The following LIMCH1 variants were observed in gnomAD, a reference collection of about 807,000 sequenced individuals.
LIMCH1 encodes the protein LIM and calponin homology domains 1, also known as LIM and calponin homology domains-containing protein 1.
Under a neutral mutation model 176.5 loss-of-function variants are expected in LIMCH1, and 113 were observed. That is an observed-to-expected ratio of 0.64 (90% CI 0.55 to 0.75). LIMCH1 has a LOEUF of 0.75. LIMCH1 is among the 30% of genes least tolerant of loss of function. The probability of loss-of-function intolerance (pLI) is 0.00; values close to 1 mark genes in which losing one functional copy is unlikely to be tolerated. For missense variants in LIMCH1, 1,674 were observed against 1,814.9 expected, an observed-to-expected ratio of 0.92 and a Z score of 1.41; for synonymous variants, 619 against 645.9, an observed-to-expected ratio of 0.96 and a Z score of 0.63.
chr4:41,515,462 T>C (rs1349846683), intron 2 of LIMCH1, among the ~76,000 whole-genome samples: 1 of 152,208 alleles, frequency 6.6e-6, no homozygotes, highest in Non-Finnish European at 1.5e-5. Context: ...GAGCCAGTGA[T>C]CAACACAGCC....
chr4:41,489,465 T>C (rs1482410856), intron 1 of LIMCH1, among the ~76,000 whole-genome samples: 1 of 152,150 alleles, frequency 6.6e-6, no homozygotes, highest in African/African-American at 2.4e-5. Flanking sequence ...TTAGTGTCTT[T>C]CCATACATTT....
intron 1 of LIMCH1, among the ~76,000 whole-genome samples, chr4:41,443,481 C>T (rs2062935734): frequency 6.6e-6 from 1 of 152,162 alleles, no homozygotes; most frequent in African/African-American, 2.4e-5. Context: ...ATGGACTTTG[C>T]TCTTATTGCA....
intron 1 of LIMCH1, among the ~76,000 whole-genome samples, chr4:41,419,117 C>T (rs547308316): frequency 7.0e-6 from 1 of 142,018 alleles, no homozygotes; most frequent in South Asian, 2.4e-4. Flanking sequence ...TAAGTCACTA[C>T]GTTTTGTTTT....
Position 41,604,912 on chromosome 4 carries a change from A to G in LIMCH1, c.-102-982A>G, listed in dbSNP as rs117729898. 9.9e-4 allele frequency among the ~76,000 whole-genome samples: 151 copies of G among 152,156 alleles called. No homozygotes were observed. In the East Asian group the frequency reaches 0.027, roughly 27 times the overall value. On this transcript the variant is annotated intron_variant, in intron 3 of 31. Coordinates refer to ENST00000503057, the MANE Select transcript of LIMCH1 (RefSeq NM_001330672.2). ...GTCTGTCGCCAGCTGGACTCATGTA[A>G]CTATACCATGTTGTCCGAAACATTT...
At chr4:41,470,834 C>T (rs1308707865) in intron 1 of LIMCH1, among the ~76,000 whole-genome samples, 1 of 151,944 alleles carries the variant, frequency 6.6e-6, no homozygotes, top group African/African-American at 2.4e-5. Flanking sequence ...CCGCATATTT[C>T]GTTCTCTCTC....
chr4:41,541,618 A>G (rs1024668103), intron 1 of LIMCH1, among the ~76,000 whole-genome samples: 2 of 152,210 alleles, frequency 1.3e-5, no homozygotes, highest in South Asian at 2.1e-4. Context: ...TAAATCACCA[A>G]TGTGAATTAT....
upstream of LIMCH1, among the ~76,000 whole-genome samples, chr4:41,537,312 A>G (rs2078058422): frequency 6.6e-6 from 1 of 152,230 alleles, no homozygotes; most frequent in African/African-American, 2.4e-5. Flanking sequence ...TTCTGCTCAC[A>G]TATTTCAGCA....
intron 1 of LIMCH1, among the ~76,000 whole-genome samples, chr4:41,390,000 AT>A (rs2057017512): frequency 6.6e-6 from 1 of 152,112 alleles, no homozygotes; most frequent in Admixed American, 6.5e-5. Context: ...GCTTCTCTGC[AT>A]TCACCTTAAG....
upstream of LIMCH1, chr4:41,360,661 A>C: frequency 3.1e-6 from 1 of 318,980 alleles, no homozygotes; most frequent in Non-Finnish European, 5.6e-6. The surrounding 1 kb of genome is among the most constrained non-coding windows in gnomAD (Gnocchi z 4.5). Context: ...CGGCGCCGGG[A>C]ACAGCTGCCG....
At chr4:41,562,628 A>G (rs2082210233) in intron 1 of LIMCH1, among the ~76,000 whole-genome samples, 1 of 152,176 alleles carries the variant, frequency 6.6e-6, no homozygotes, top group Non-Finnish European at 1.5e-5. Flanking sequence ...TGTTACCCCT[A>G]GTATCTGGAT....
intron 1 of LIMCH1, among the ~76,000 whole-genome samples, chr4:41,472,377 CTTCCTTCCTTCATTCCTCTCTCTCTCTCT>C (rs1347594327): frequency 1.9e-4 from 26 of 139,952 alleles, no homozygotes; most frequent in African/African-American, 6.7e-4. Flanking sequence ...CCTCTCTTTC[CTTCCTTCCTTCATTCCTCTCTCTCTCTCT>C]TTCCTTCCTA....
At chr4:41,612,516 C>A (rs1270534893) in intron 4 of LIMCH1, 3 of 702,010 alleles carry the variant, frequency 4.3e-6, no homozygotes, top group Non-Finnish European at 7.8e-6. Context: ...CTTTGAGTGA[C>A]CAGAGTTATT....
chr4:41,667,021 C>A (rs990466155), intron 21 of LIMCH1, among the ~76,000 whole-genome samples: 1 of 151,932 alleles, frequency 6.6e-6, no homozygotes, highest in Admixed American at 6.6e-5. Flanking sequence ...GCAGGAGAAT[C>A]GCTTGAACCC....
At chr4:41,437,429 G>T (rs968539168) in intron 1 of LIMCH1, among the ~76,000 whole-genome samples, 1 of 152,206 alleles carries the variant, frequency 6.6e-6, no homozygotes, top group Non-Finnish European at 1.5e-5. Context: ...CTGAACCATT[G>T]TAAGTGGTGA....
At chr4:41,663,133 T>TAGTGTGTGTGTGTGTG in intron 20 of LIMCH1, 149 bp downstream of exon 20, 3 of 571,552 alleles carry the variant, frequency 5.2e-6, no homozygotes, top group Non-Finnish European at 8.5e-6. Flanking sequence ...TTTTTCTTTT[T>TAGTGTGTGTGTGTGTG]CGTGTGTGTG....
At chr4:41,446,660 GAAAT>G (rs1351378351) in intron 1 of LIMCH1, among the ~76,000 whole-genome samples, 2 of 152,126 alleles carry the variant, frequency 1.3e-5, no homozygotes, top group African/African-American at 4.8e-5. Flanking sequence ...GGAATTTAAA[GAAAT>G]AAACCATGTG....
rs540267990 is a variant in LIMCH1, at chr4:41,604,930, A to G, written c.-102-964A>G. Among the ~76,000 whole-genome samples the G allele has an allele frequency of 2.0e-5, 3 of 152,130 alleles. No homozygotes were observed. The East Asian group carries it at 5.8e-4, about 30-fold the overall frequency. On this transcript the variant is annotated intron_variant, in intron 3 of 31. Coordinates refer to ENST00000503057, the MANE Select transcript of LIMCH1 (RefSeq NM_001330672.2). ...TCATGTAACTATACCATGTTGTCCG[A>G]AACATTTTCTGGCCTACCAAGTAGA...
chr4:41,682,425 G>T lies in LIMCH1; in HGVS notation c.3810G>T (p.Lys1270Asn). 1 of 1,613,294 alleles carries T rather than the reference G, an allele frequency of 6.2e-7. No individual in the cohort carries two copies. Among genetic ancestry groups the T allele is most frequent in the South Asian group, 1.1e-5 (1 of 91,028 alleles). The change falls in exon 26 of 32, where the codon AAG becomes AAT. Residue 1270 changes from lysine to asparagine, a missense_variant. By Grantham distance (94) the Lys-to-Asn change is moderately conservative. Transcript: ENST00000503057. ...FQGDDSDLLL[K>N]TRESDRLEEK... ...GAGATGACAGTGACTTATTGCTGAAGACTAGGGAAAGTGATCGACTGGAGG... is the reference window on the plus strand; with the variant it reads ...GAGATGACAGTGACTTATTGCTGAATACTAGGGAAAGTGATCGACTGGAGG...
intron 1 of LIMCH1, among the ~76,000 whole-genome samples, chr4:41,461,501 C>T (rs991445197): frequency 2.0e-5 from 3 of 152,052 alleles, no homozygotes; most frequent in Admixed American, 6.5e-5. Flanking sequence ...GCTGAGGGTC[C>T]GTGGTCCCAC....
Sources: allele counts gnomAD v4.1 joint callset (sites outside exome capture counted in the v4.1 genomes callset), GRCh38; gene constraint gnomAD v4.1.1; non-coding constraint Gnocchi (gnomAD v3.1); transcripts MANE v1.5; gene names NCBI Gene and HGNC (gene_info 2026-07-23, HGNC 2026-07-21).